Variants in NRG2 observed in about 807,000 individuals in gnomAD.
NRG2 encodes the protein pro-neuregulin-2, membrane-bound isoform.
NRG2 carries 27 observed loss-of-function variants against 73.9 expected under a neutral mutation model. That is an observed-to-expected ratio of 0.37 (90% CI 0.27 to 0.50). The LOEUF (loss-of-function observed/expected upper bound fraction) is 0.50, where lower values mean the gene tolerates loss of function less well. Ranked by LOEUF, NRG2 falls within the 20% of genes least tolerant of loss-of-function variation. The pLI is 0.96. For missense variants in NRG2, 1,126 were observed against 1,210.1 expected (o/e 0.93, Z 1.03); for synonymous variants, 532 against 541.0 (o/e 0.98, Z 0.23).
intron 1 of NRG2, among the ~76,000 whole-genome samples, chr5:139,951,519 T>TGG (rs1188699853): frequency 6.6e-6 from 1 of 152,150 alleles, no homozygotes; most frequent in Non-Finnish European, 1.5e-5. Context: ...TTCCATCTGC[T>TGG]GGGGGCCCTT....
Position 139,904,323 on chromosome 5 carries a change from G to A in NRG2, c.701-16812C>T, listed in dbSNP as rs1226873348. On this transcript the variant is annotated intron_variant, in intron 1 of 9. Transcript: ENST00000361474. The surrounding 1 kb of genome is among the most constrained non-coding windows in gnomAD (Gnocchi z 6.0). ...GTGCCCTACCTTTCTCCCCGGGATC[G>A]GGCTCCCTCTCCCGCTTCCTCCCCT... 1.3e-6 allele frequency: 2 copies of A among 1,591,522 alleles called. No individual in the cohort carries two copies. The highest frequency in any genetic ancestry group is 8.5e-7 in the Non-Finnish European group (1 of 1,177,136).
intron 1 of NRG2, among the ~76,000 whole-genome samples, chr5:139,976,106 T>A (rs1238831599): frequency 6.6e-6 from 1 of 152,156 alleles, no homozygotes; most frequent in East Asian, 1.9e-4. Flanking sequence ...TTGTCCAAGG[T>A]CACCAACTTG....
At chr5:139,974,445 G>C (rs976176909) in intron 1 of NRG2, among the ~76,000 whole-genome samples, 13 of 152,198 alleles carry the variant, frequency 8.5e-5, no homozygotes, top group African/African-American at 3.1e-4. Flanking sequence ...GGAGAAGGCT[G>C]TGGTCTGGCA....
chr5:139,853,073 CAACGATG>C lies in NRG2; in HGVS notation c.1293-53_1293-47del. The stretch of plus-strand genomic sequence containing the variant: ...TGAGGCTGGCATTCCCCCCACTCGC[CAACGATG>C]AACTTCCCTAGCTATCTCTCTAGGG... On this transcript the variant is annotated intron_variant, in intron 6 of 9. Coordinates refer to ENST00000361474, the MANE Select transcript of NRG2 (RefSeq NM_004883.3). This position sits in a 1 kb window ranked among gnomAD's most constrained non-coding sequence, Gnocchi z 4.1. The C allele has an allele frequency of 6.2e-7, 1 of 1,609,030 alleles. No homozygotes were observed. Among genetic ancestry groups the C allele is most frequent in the Non-Finnish European group, 8.5e-7 (1 of 1,178,128 alleles).
chr5:140,006,933 C>A (rs1758951577), intron 1 of NRG2, among the ~76,000 whole-genome samples: 1 of 152,170 alleles, frequency 6.6e-6, no homozygotes, highest in African/African-American at 2.4e-5. Context: ...AAAATAAAGA[C>A]CATGGTTCTC....
In NRG2 at chr5:139,882,714, G is replaced by A. The variant is rs3777100; in HGVS notation, c.873-1740C>T. 2.9e-4 allele frequency among the ~76,000 whole-genome samples: 44 copies of A among 152,170 alleles called. 1 individual carries two copies. The East Asian group carries it at 7.3e-3, about 25-fold the overall frequency. On this transcript the variant is annotated intron_variant, in intron 2 of 9. Coordinates refer to ENST00000361474, the MANE Select transcript of NRG2 (RefSeq NM_004883.3). ...GATCGCCTGAGGGTCCGGGGGTGGG[G>A]GTGTTGATGCACAGGGGACTCAGAG...
In NRG2 at chr5:139,999,678, T is replaced by C. The variant is rs536802089; in HGVS notation, c.700+42692A>G. ...CATGCTGAGCTCCTCCAAACATCGG[T>C]CCCTCCTGGAAGAACAGTCTTTACA... On this transcript the variant is annotated intron_variant, in intron 1 of 9. Coordinates refer to ENST00000361474, the MANE Select transcript of NRG2 (RefSeq NM_004883.3). Among the ~76,000 whole-genome samples, 21 of 152,264 alleles carry C rather than the reference T, an allele frequency of 1.4e-4. No homozygotes were observed. In the South Asian group the frequency reaches 3.5e-3, roughly 26 times the overall value.
At position 139,876,630 on chromosome 5, in the gene NRG2, G is replaced by A. The variant is rs999542452; in HGVS notation, c.991+4226C>T. ...GTGGGAGCCGCTGCTGTGGAGCTGCGTCCCCGACTGCCCACAAGTGCAGCT... is the reference window on the plus strand; with the variant it reads ...GTGGGAGCCGCTGCTGTGGAGCTGCATCCCCGACTGCCCACAAGTGCAGCT... On this transcript the variant is annotated intron_variant, in intron 3 of 9. Coordinates refer to ENST00000361474, the MANE Select transcript of NRG2 (RefSeq NM_004883.3). Among the ~76,000 whole-genome samples the A allele has an allele frequency of 5.3e-5, 8 of 152,158 alleles. 1 individual carries two copies. The highest frequency in any genetic ancestry group is 3.9e-4 in the East Asian group (2 of 5,184).
chr5:139,871,613 G>T, intron 4 of NRG2, 108 bp downstream of exon 4: 1 of 1,431,708 alleles, frequency 7.0e-7, no homozygotes. Context: ...ACCCCTTGGG[G>T]ACCTCTTGTC....
chr5:139,903,837 G>A (rs747123820), intron 1 of NRG2, among the ~76,000 whole-genome samples: 3 of 152,218 alleles, frequency 2.0e-5, no homozygotes, highest in Non-Finnish European at 2.9e-5. Context: ...TCCAGTGGCC[G>A]AGCAGAACGG....
chr5:139,890,478 T>TTC (rs1561659200), intron 1 of NRG2, among the ~76,000 whole-genome samples: 16 of 147,536 alleles, frequency 1.1e-4, no homozygotes, highest in African/African-American at 4.0e-4. Context: ...TCTTTCTTTT[T>TTC]TTTTTTTTTT....
intron 1 of NRG2, among the ~76,000 whole-genome samples, chr5:140,034,560 A>G (rs1024236616): frequency 6.6e-6 from 1 of 152,128 alleles, no homozygotes; most frequent in African/African-American, 2.4e-5. Context: ...TTTTTCATTG[A>G]CCACACAATT....
intron 1 of NRG2, among the ~76,000 whole-genome samples, chr5:139,897,224 GGCAAGTTACT>G (rs1229872926): frequency 6.6e-6 from 1 of 152,192 alleles, no homozygotes; most frequent in Non-Finnish European, 1.5e-5. Context: ...TGTATAACTA[GGCAAGTTACT>G]TAAACTCTCT....
intron 2 of NRG2, among the ~76,000 whole-genome samples, chr5:139,886,031 T>C (rs906112979): frequency 6.6e-6 from 1 of 152,116 alleles, no homozygotes; most frequent in Non-Finnish European, 1.5e-5. Flanking sequence ...CAGCCAGAGC[T>C]TCTTGCCAAT....
intron 1 of NRG2, among the ~76,000 whole-genome samples, chr5:139,979,251 GACT>G (rs201344566): frequency 0.02 from 3,106 of 152,102 alleles, 44 homozygotes; most frequent in Non-Finnish European, 0.031. Context: ...AAAAGAGAAA[GACT>G]ACTAAGTCTG....
intron 1 of NRG2, among the ~76,000 whole-genome samples, chr5:140,031,993 C>G (rs1027083278): frequency 6.6e-6 from 1 of 152,146 alleles, no homozygotes; most frequent in Non-Finnish European, 1.5e-5. Flanking sequence ...AAGGATTGAG[C>G]TCCCACCACC....
chr5:139,958,450 T>C (rs1201382476), intron 1 of NRG2, among the ~76,000 whole-genome samples: 1 of 152,202 alleles, frequency 6.6e-6, no homozygotes, highest in Non-Finnish European at 1.5e-5. Context: ...CCAGCCAAGT[T>C]TGAAGTCTTT....
In NRG2 at chr5:140,042,509, C is replaced by T. The variant is rs778208008; in HGVS notation, c.561G>A (p.Pro187=). Residue 187 remains proline, a synonymous_variant, in exon 1 of 10, where the codon CCG becomes CCA. Coordinates refer to ENST00000361474, the MANE Select transcript of NRG2 (RefSeq NM_004883.3). ...EQVISVGSCV[P]LERNQRYIFF... The stretch of plus-strand genomic sequence containing the variant: ...AGATGTAGCGCTGGTTCCTTTCGAG[C>T]GGCACACAGGAGCCCACGCTGATCA... The T allele has an allele frequency of 4.0e-5, 64 of 1,613,558 alleles. No homozygotes were observed. Among genetic ancestry groups the T allele is most frequent in the Non-Finnish European group, 5.3e-5 (63 of 1,179,940 alleles).
intron 1 of NRG2, among the ~76,000 whole-genome samples, chr5:139,991,002 G>A (rs961287879): frequency 6.6e-6 from 1 of 152,000 alleles, no homozygotes; most frequent in Admixed American, 6.6e-5. Context: ...TCAGCAGGGC[G>A]CGGTGGCTCA....
Sources: gnomAD v4.1 joint callset for allele counts (sites outside exome capture counted in the v4.1 genomes callset) on GRCh38, gnomAD v4.1.1 for gene constraint, Gnocchi (gnomAD v3.1) non-coding constraint, MANE v1.5 for transcripts, NCBI Gene and HGNC (gene_info 2026-07-23, HGNC 2026-07-21) for gene names.